The following ICA1 variants were observed in gnomAD, a reference collection of about 807,000 sequenced individuals.
ICA1 encodes the protein islet cell autoantigen 1, also known as 69 kDa islet cell autoantigen.
In ICA1, 40 loss-of-function variants were observed where a neutral mutation model predicts 71.0. That is an observed-to-expected ratio of 0.56 (90% confidence interval 0.44 to 0.73). ICA1 has a LOEUF of 0.73. Among genes scored for constraint, ICA1 ranks in the 30% least tolerant of loss-of-function variants. ICA1 has a pLI of 0.00. For synonymous variants in ICA1, 207 were observed against 209.5 expected (o/e 0.99, Z 0.10); for missense variants, 578 against 576.5 (o/e 1.00, Z -0.03).
chr7:8,177,216 A>T (rs1780891623), intron 6 of ICA1, among the ~76,000 whole-genome samples: 2 of 152,368 alleles, frequency 1.3e-5, no homozygotes, highest in East Asian at 3.9e-4. Context: ...AGTCAAATAC[A>T]GTCAAAATTA....
At chr7:8,261,255 A>C (rs1429053344) in intron 1 of ICA1, among the ~76,000 whole-genome samples, 1 of 152,192 alleles carries the variant, frequency 6.6e-6, no homozygotes, top group Non-Finnish European at 1.5e-5. Flanking sequence ...CGATACTTTT[A>C]AGACCCCAAA....
At chr7:8,115,843 T>C (rs1784621260) in intron 13 of ICA1, among the ~76,000 whole-genome samples, 1 of 152,214 alleles carries the variant, frequency 6.6e-6, no homozygotes, top group Non-Finnish European at 1.5e-5. Context: ...ATGACCTCTT[T>C]TGACAACTAT....
chr7:8,220,132 TA>T (rs1436622181), intron 5 of ICA1, among the ~76,000 whole-genome samples: 1 of 152,220 alleles, frequency 6.6e-6, no homozygotes, highest in Admixed American at 6.5e-5. Flanking sequence ...AAATTATAAA[TA>T]ATACTAAATG....
At chr7:8,260,300 A>C (rs919612831) in intron 1 of ICA1, among the ~76,000 whole-genome samples, 6 of 152,108 alleles carry the variant, frequency 3.9e-5, no homozygotes, top group African/African-American at 9.7e-5. Context: ...AATTTTCTAT[A>C]CTTTTCGTGA....
At chr7:8,257,319 T>C (rs1383483752) in intron 1 of ICA1, among the ~76,000 whole-genome samples, 1 of 152,192 alleles carries the variant, frequency 6.6e-6, no homozygotes, top group East Asian at 1.9e-4. Flanking sequence ...GACCGGATTT[T>C]CCCCTAGGTA....
At chr7:8,238,615 G>T (rs1035639939) in intron 1 of ICA1, among the ~76,000 whole-genome samples, 1 of 152,096 alleles carries the variant, frequency 6.6e-6, no homozygotes, top group African/African-American at 2.4e-5. Context: ...TCACTCTGTT[G>T]ACTATTTCCT....
At chr7:8,157,069 A>C (rs1562734144) in intron 8 of ICA1, 47 bp downstream of exon 8, 2 of 1,613,990 alleles carry the variant, frequency 1.2e-6, no homozygotes, top group Non-Finnish European at 8.5e-7. Flanking sequence ...TATAAACAAA[A>C]CTTTACTTTT....
At chr7:8,176,716 C>G (rs940034192) in intron 6 of ICA1, among the ~76,000 whole-genome samples, 3 of 152,176 alleles carry the variant, frequency 2.0e-5, no homozygotes, top group African/African-American at 7.2e-5. Flanking sequence ...TGAATTACTG[C>G]TCAGGCTTTC....
intron 1 of ICA1, among the ~76,000 whole-genome samples, chr7:8,243,972 T>C (rs972322161): frequency 6.6e-6 from 1 of 152,142 alleles, no homozygotes; most frequent in Non-Finnish European, 1.5e-5. Flanking sequence ...GAATCAATAT[T>C]GTGAAAATGG....
rs778177885 is a variant in ICA1, at chr7:8,138,792, T to G, written c.1060+48A>C. ...ACTTTCTTACATGTAAAAGAGTAAT[T>G]TAAAAAATCAAACAAATCATAATCC... On this transcript the variant is annotated intron_variant, in intron 12 of 13. Coordinates refer to ENST00000402384, the MANE Select transcript of ICA1 (RefSeq NM_001136020.3). 2.1e-6 allele frequency: 3 copies of G among 1,412,020 alleles called. No individual in the cohort carries two copies. In the South Asian group the frequency reaches 3.7e-5, roughly 17 times the overall value. The allele number at this position is 1,412,020 out of a possible 1,614,324, so 87.5% of individuals were successfully genotyped here.
At position 8,173,184 on chromosome 7, in the gene ICA1, C is replaced by T. The variant is rs927257478; in HGVS notation, c.580-14532G>A. ...GTCCCCTCTCTAAGTAACCAGGGCT[C>T]CTTGACAAAACTGCTGATTCCAGGA... On this transcript the variant is annotated intron_variant, in intron 6 of 13. Coordinates refer to ENST00000402384, the MANE Select transcript of ICA1 (RefSeq NM_001136020.3). This position sits in a 1 kb window ranked among gnomAD's most constrained non-coding sequence, Gnocchi z 4.0. Among the ~76,000 whole-genome samples the T allele has an allele frequency of 2.0e-5, 3 of 152,116 alleles. No homozygotes were observed. Among genetic ancestry groups the T allele is most frequent in the Non-Finnish European group, 2.9e-5 (2 of 68,014 alleles).
intron 6 of ICA1, among the ~76,000 whole-genome samples, chr7:8,208,469 G>T (rs1448139823): frequency 6.6e-6 from 1 of 152,204 alleles, no homozygotes; most frequent in East Asian, 1.9e-4. Flanking sequence ...TTAAACGAGT[G>T]TGCTGGGCTA....
rs769309844 is a variant in ICA1 at position 8,226,484 on chromosome 7, C to T, written c.256+2117G>A. On this transcript the variant is annotated intron_variant, in intron 4 of 13. Transcript: ENST00000402384. This position sits in a 1 kb window ranked among gnomAD's most constrained non-coding sequence, Gnocchi z 4.4. ...CATGAAGGATAGCATACTATAGATA[C>T]GCTTTTATGTTTTGCTTCTTTCACT... 1.4e-4 allele frequency among the ~76,000 whole-genome samples: 21 copies of T among 152,162 alleles called. No homozygotes were observed. Among genetic ancestry groups the T allele is most frequent in the Admixed American group, 3.3e-4 (5 of 15,276 alleles).
In ICA1 at chr7:8,141,958, T is replaced by C. The variant is rs574896970; in HGVS notation, c.903-141A>G. On this transcript the variant is annotated intron_variant, in intron 9 of 13. Coordinates refer to ENST00000402384, the MANE Select transcript of ICA1 (RefSeq NM_001136020.3). The stretch of plus-strand genomic sequence containing the variant: ...ACGCACACGAAGAAGGGTCAACATA[T>C]AGTCATTTACATGCCAATTTGCTGG... 21 of 1,494,838 alleles carry C rather than the reference T, an allele frequency of 1.4e-5. No individual in the cohort carries two copies. The South Asian group carries it at 2.1e-4, about 15-fold the overall frequency. 92.6% of individuals were successfully genotyped at this position (1,494,838 alleles called of 1,614,324 possible). A position where few individuals can be genotyped will look rare whatever the true frequency, so the allele number is the denominator to read the frequency against.
chr7:8,165,072 C>A (rs921316154), intron 6 of ICA1, among the ~76,000 whole-genome samples: 6 of 152,004 alleles, frequency 3.9e-5, no homozygotes, highest in Non-Finnish European at 5.9e-5. Context: ...GACAGTAAGA[C>A]CCTGTCTCAA....
chr7:8,261,347 A>T (rs1455351816), intron 1 of ICA1, among the ~76,000 whole-genome samples: 1 of 152,202 alleles, frequency 6.6e-6, no homozygotes, highest in African/African-American at 2.4e-5. Flanking sequence ...GGGGAAAGGC[A>T]GACATAACAA....
intron 13 of ICA1, among the ~76,000 whole-genome samples, chr7:8,115,347 G>C (rs1358894593): frequency 1.3e-5 from 2 of 152,164 alleles, no homozygotes; most frequent in Non-Finnish European, 2.9e-5. Flanking sequence ...AGCTTAGTTG[G>C]AGGGGGAGTG....
At chr7:8,220,273 C>G (rs534706077) in intron 5 of ICA1, among the ~76,000 whole-genome samples, 2 of 152,258 alleles carry the variant, frequency 1.3e-5, no homozygotes, top group South Asian at 2.1e-4. Context: ...CAGGAAGAAC[C>G]AAAATGCCCA....
At chr7:8,202,852 A>G (rs997461214) in intron 6 of ICA1, among the ~76,000 whole-genome samples, 1 of 118,336 alleles carries the variant, frequency 8.5e-6, no homozygotes, top group South Asian at 3.4e-4. Context: ...AGAACCAGCT[A>G]TAGGCAATAG....
Sources: gnomAD v4.1 joint callset for allele counts (sites outside exome capture counted in the v4.1 genomes callset) on GRCh38, gnomAD v4.1.1 for gene constraint, Gnocchi (gnomAD v3.1) non-coding constraint, MANE v1.5 for transcripts, NCBI Gene and HGNC (gene_info 2026-07-23, HGNC 2026-07-21) for gene names.